The following SHC2 variants were observed in gnomAD, a reference collection of about 807,000 sequenced individuals.
SHC2 encodes the protein SHC adaptor protein 2, also known as SHC-transforming protein 2.
SHC2 carries 62 observed loss-of-function variants against 60.6 expected under a neutral mutation model. The observed-to-expected ratio is 1.02, with a 90% CI of 0.83 to 1.26. The LOEUF (loss-of-function observed/expected upper bound fraction) is 1.26. Ranked by LOEUF, SHC2 falls within the 50% of genes most tolerant of loss-of-function variation. SHC2 has a pLI of 0.00. For synonymous variants in SHC2, 375 were observed against 372.4 expected, an observed-to-expected ratio of 1.01 and a Z score of -0.08; for missense variants, 873 against 822.2, an observed-to-expected ratio of 1.06 and a Z score of -0.76.
chr19:458,895 C>T (rs962816583), intron 1 of SHC2, among the ~76,000 whole-genome samples: 1 of 151,906 alleles, frequency 6.6e-6, no homozygotes, highest in African/African-American at 2.4e-5. Context: ...CTGCGCAGGC[C>T]GAGCGCGCCT....
intron 10 of SHC2, among the ~76,000 whole-genome samples, chr19:423,202 T>TGGGGGCTGAGC (rs1276799315): frequency 2.3e-3 from 66 of 28,446 alleles, no homozygotes; most frequent in Non-Finnish European, 2.9e-3. Context: ...GCCCTGACCC[T>TGGGGGCTGAGC]CACTCCCTGG....
At position 441,293 on chromosome 19, in the gene SHC2, C is replaced by T; in HGVS notation, c.469-361G>A. On this transcript the variant is annotated intron_variant, in intron 1 of 12. Coordinates refer to ENST00000264554, the MANE Select transcript of SHC2 (RefSeq NM_012435.3). The surrounding 1 kb of genome is among the most constrained non-coding windows in gnomAD (Gnocchi z 4.9). ...GGGATGGTGCGATCCTGAGCACTTCCCTATCTCCAGCGCCCAGTTCAGGGT... is the reference window on the plus strand; with the variant it reads ...GGGATGGTGCGATCCTGAGCACTTCTCTATCTCCAGCGCCCAGTTCAGGGT... The T allele has an allele frequency of 5.1e-6, 2 of 391,892 alleles. No individual in the cohort carries two copies. Among genetic ancestry groups the T allele is most frequent in the Non-Finnish European group, 6.9e-6 (2 of 289,266 alleles). 24.3% of individuals were successfully genotyped at this position (391,892 alleles called of 1,614,324 possible).
intron 11 of SHC2, among the ~76,000 whole-genome samples, chr19:420,848 G>A (rs1275626916): frequency 2.6e-5 from 4 of 151,776 alleles, no homozygotes; most frequent in African/African-American, 9.7e-5. Flanking sequence ...TCAGGAGTTC[G>A]AGACCAACCT....
rs756429002 is a variant in SHC2, at chr19:420,794, G to A, written c.1620+1352C>T. 3.3e-5 allele frequency among the ~76,000 whole-genome samples: 5 copies of A among 152,206 alleles called. 1 individual carries two copies. The highest frequency in any genetic ancestry group is 7.3e-5 in the Non-Finnish European group (5 of 68,042). ...AGGCCGGGCGCGGTGGCTCACGCCT[G>A]TAATCCCAGCACTTTGGGAGGCTGA... On this transcript the variant is annotated intron_variant, in intron 11 of 12. Coordinates refer to ENST00000264554, the MANE Select transcript of SHC2 (RefSeq NM_012435.3).
At chr19:419,352 T>C in intron 11 of SHC2, 1 of 354,990 alleles carries the variant, frequency 2.8e-6, no homozygotes, top group Non-Finnish European at 5.1e-6. Context: ...GAACGTGACC[T>C]CATTTGGAAA....
At chr19:455,203 C>A (rs926431363) in intron 1 of SHC2, among the ~76,000 whole-genome samples, 2 of 152,182 alleles carry the variant, frequency 1.3e-5, no homozygotes, top group African/African-American at 2.4e-5. Context: ...AGCCGCCGAC[C>A]CCGGGTTCTT....
At chr19:427,201 A>G (rs1411713443) in intron 9 of SHC2, among the ~76,000 whole-genome samples, 6 of 152,234 alleles carry the variant, frequency 3.9e-5, no homozygotes, top group African/African-American at 1.4e-4. Flanking sequence ...AAAAAAGCTC[A>G]ACACAGATGT....
At chr19:435,114 TCTCCA>T (rs1420832029) in intron 7 of SHC2, among the ~76,000 whole-genome samples, 1 of 152,028 alleles carries the variant, frequency 6.6e-6, no homozygotes, top group Non-Finnish European at 1.5e-5. Context: ...GCAAACCCAG[TCTCCA>T]CTCCTTTCTG....
intron 7 of SHC2, 96 bp downstream of exon 7, chr19:436,069 G>A (rs1974708629): frequency 7.3e-7 from 1 of 1,368,170 alleles, no homozygotes; most frequent in Non-Finnish European, 1.0e-6. Context: ...ACAAGGGCAG[G>A]ACGGAGGCTG....
At position 439,004 on chromosome 19, in the gene SHC2, G is replaced by T. The variant is rs751505841; in HGVS notation, c.566C>A (p.Ala189Asp). The change falls in exon 3 of 13, where the codon GCC becomes GAC. Residue 189 changes from alanine (A) to aspartate (D), a missense_variant. Ala to Asp is a moderately radical substitution (Grantham distance 126, BLOSUM62 -2). Transcript: ENST00000264554. ...TREAINRLHE[A>D]VPGVRGSWKK... ...CCAGGATCCCCGGACGCCAGGCACG[G>T]CCTCATGGAGCCGGTTGATGGCTTC... 3 of 1,597,992 alleles carry T rather than the reference G, an allele frequency of 1.9e-6. No homozygotes were observed. The highest frequency in any genetic ancestry group is 3.4e-5 in the Admixed American group (2 of 58,242).
In SHC2 at chr19:459,353, G is replaced by C. The variant is rs113629531; in HGVS notation, c.468+1176C>G. ...GCGTAGGGGGAAGGACCCCACTGAA[G>C]CCAGCGTAGGGGGAAGGACCCCACT... On this transcript the variant is annotated intron_variant, in intron 1 of 12. Transcript: ENST00000264554. Among the ~76,000 whole-genome samples the C allele has an allele frequency of 6.2e-3, 228 of 36,790 alleles. 1 individual carries two copies. The highest frequency in any genetic ancestry group is 7.1e-3 in the Non-Finnish European group (135 of 18,884). 24.1% of individuals were successfully genotyped at this position (36,790 alleles called of 152,430 possible).
chr19:430,794 T>C (rs1318331284), intron 8 of SHC2, 47 bp from the exon 9 acceptor site: 1 of 1,579,498 alleles, frequency 6.3e-7, no homozygotes, highest in Non-Finnish European at 8.7e-7. Flanking sequence ...CAAGCCCCTC[T>C]TCCTGGCTCT....
intron 1 of SHC2, among the ~76,000 whole-genome samples, chr19:456,000 G>A (rs1043852561): frequency 6.6e-6 from 1 of 152,148 alleles, no homozygotes. Flanking sequence ...ACACAGGTGC[G>A]TGCGTGACGA....
In SHC2 at chr19:424,666, A is replaced by G. The variant is rs1435833759; in HGVS notation, c.1309+431T>C. 6.6e-6 allele frequency among the ~76,000 whole-genome samples: 1 copy of G among 152,150 alleles called. No homozygotes were observed. Among genetic ancestry groups the G allele is most frequent in the East Asian group, 1.9e-4 (1 of 5,188 alleles). On this transcript the variant is annotated intron_variant, in intron 10 of 12. Transcript: ENST00000264554. This position sits in a 1 kb window ranked among gnomAD's most constrained non-coding sequence, Gnocchi z 4.5. ...AAGGAATGACGAACCTCCTCCCTTC[A>G]GACCGGGGGTTCCGACAGAGGCAGG...
chr19:435,571 A>C (rs1974695513), intron 7 of SHC2, among the ~76,000 whole-genome samples: 1 of 152,234 alleles, frequency 6.6e-6, no homozygotes, highest in African/African-American at 2.4e-5. Context: ...CTGACTTTCT[A>C]ATGATGAATA....
chr19:418,086 G>C (rs1974193674), intron 12 of SHC2, among the ~76,000 whole-genome samples: 1 of 152,062 alleles, frequency 6.6e-6, no homozygotes. Context: ...ACCCAGACCT[G>C]CCTGTCCCTC....
Position 438,454 on chromosome 19 carries a change from G to A in SHC2, c.720+264C>T, listed in dbSNP as rs933720233. Among the ~76,000 whole-genome samples, 1 of 151,456 alleles carries A rather than the reference G, an allele frequency of 6.6e-6. No homozygotes were observed. The highest frequency in any genetic ancestry group is 2.5e-5 in the African/African-American group (1 of 40,726). ...GGGGTGGGGCGTCCTGGCCCCTGCA[G>A]GGTGCTGAGCAGCGTCCCTGCCCCC... On this transcript the variant is annotated intron_variant, in intron 4 of 12. Transcript: ENST00000264554. This position sits in a 1 kb window ranked among gnomAD's most constrained non-coding sequence, Gnocchi z 5.0.
intron 7 of SHC2, 98 bp from the exon 8 acceptor site, chr19:434,963 C>A: frequency 2.3e-6 from 3 of 1,299,056 alleles, no homozygotes; most frequent in Non-Finnish European, 3.1e-6. Context: ...TATCTGAGTT[C>A]GAATCCCAGC....
intron 1 of SHC2, among the ~76,000 whole-genome samples, chr19:460,232 G>A (rs1600338562): frequency 6.6e-6 from 1 of 151,976 alleles, no homozygotes; most frequent in African/African-American, 2.4e-5. Flanking sequence ...GCCGCTCGCC[G>A]CTCTCGGCCT....
Sources: allele counts gnomAD v4.1 joint callset (sites outside exome capture counted in the v4.1 genomes callset), GRCh38; gene constraint gnomAD v4.1.1; non-coding constraint Gnocchi (gnomAD v3.1); transcripts MANE v1.5; gene names NCBI Gene and HGNC (gene_info 2026-07-23, HGNC 2026-07-21).